The following ANKRD55 variants were observed in gnomAD, a reference collection of about 807,000 sequenced individuals.
ANKRD55 encodes ankyrin repeat domain 55.
ANKRD55 carries 41 observed loss-of-function variants against 60.6 expected under a neutral mutation model. The ratio of observed to expected loss-of-function variants is 0.68; its 90% CI spans 0.53 to 0.88. ANKRD55 has a LOEUF of 0.88. Among genes scored for constraint, ANKRD55 ranks in the 40% least tolerant of loss-of-function variants. ANKRD55 has a pLI of 0.00. For synonymous variants in ANKRD55, 264 were observed against 290.3 expected, an observed-to-expected ratio of 0.91 and a Z score of 0.92; for missense variants, 732 against 767.6, an observed-to-expected ratio of 0.95 and a Z score of 0.55.
intron 2 of ANKRD55, among the ~76,000 whole-genome samples, chr5:56,196,223 A>G (rs1416001585): frequency 6.6e-6 from 1 of 152,194 alleles, no homozygotes; most frequent in Non-Finnish European, 1.5e-5. Context: ...GATTTTTGTG[A>G]GGATTAAATA....
intron 8 of ANKRD55, among the ~76,000 whole-genome samples, chr5:56,126,250 T>C (rs1653198): frequency 0.63 from 96,350 of 152,098 alleles, 31,172 homozygotes; most frequent in African/African-American, 0.77. Flanking sequence ...TACTTATTTT[T>C]GATAGTCTTG....
chr5:56,103,127 A>G (rs528704229), intron 10 of ANKRD55, among the ~76,000 whole-genome samples: 176 of 152,360 alleles, frequency 1.2e-3, no homozygotes, highest in African/African-American at 4.1e-3. Flanking sequence ...TGCAGCCAGG[A>G]TGGAGAATCA....
At chr5:56,141,213 C>G (rs1227870439) in intron 7 of ANKRD55, among the ~76,000 whole-genome samples, 2 of 142,382 alleles carry the variant, frequency 1.4e-5, no homozygotes, top group Non-Finnish European at 3.0e-5. Flanking sequence ...CTCAAGTGAT[C>G]CTCCTGCCTC....
intron 6 of ANKRD55, among the ~76,000 whole-genome samples, chr5:56,149,372 AT>A (rs1031281723): frequency 6.6e-6 from 1 of 152,184 alleles, no homozygotes; most frequent in African/African-American, 2.4e-5. Flanking sequence ...TATGTCTGAC[AT>A]TTTTAAAAAA....
At chr5:56,231,363 C>A (rs1760247038) in intron 2 of ANKRD55, among the ~76,000 whole-genome samples, 1 of 152,170 alleles carries the variant, frequency 6.6e-6, no homozygotes, top group African/African-American at 2.4e-5. Context: ...GAAGGTACAG[C>A]ACTGGAACAT....
At chr5:56,111,856 C>G in intron 9 of ANKRD55, 74 bp from the exon 10 acceptor site, 1 of 1,336,628 alleles carries the variant, frequency 7.5e-7, no homozygotes, top group Non-Finnish European at 9.8e-7. Context: ...AAATACCGAC[C>G]CCCTATTCCA....
intron 3 of ANKRD55, among the ~76,000 whole-genome samples, 191 bp downstream of exon 3, chr5:56,183,321 A>C (rs995750152): frequency 4.6e-5 from 7 of 152,220 alleles, no homozygotes; most frequent in Non-Finnish European, 1.0e-4. Flanking sequence ...TATTTTGGTC[A>C]TTCATACAAA....
Position 56,193,402 on chromosome 5 carries a change from T to TA in ANKRD55, c.59-9769dup, listed in dbSNP as rs1319337965. 5.4e-5 allele frequency: 33 copies of TA among 614,798 alleles called. No individual in the cohort carries two copies. In the East Asian group the frequency reaches 1.1e-3, roughly 21 times the overall value. 38.1% of individuals were successfully genotyped at this position (614,798 alleles called of 1,614,324 possible). A position where few individuals can be genotyped will look rare whatever the true frequency, so the allele number is the denominator to read the frequency against. On this transcript the variant is annotated intron_variant, in intron 2 of 11. Transcript: ENST00000341048. ...AGGTTATCTACCTAGAACCTTTTGG[T>TA]ACTGGAATTACAACTATTATCCTCC...
intron 10 of ANKRD55, among the ~76,000 whole-genome samples, chr5:56,108,642 G>C (rs1252433579): frequency 6.6e-6 from 1 of 152,086 alleles, no homozygotes; most frequent in Non-Finnish European, 1.5e-5. Context: ...TCAGGCACTG[G>C]GCACATGTCA....
intron 10 of ANKRD55, among the ~76,000 whole-genome samples, chr5:56,103,603 A>AT (rs1756357900): frequency 6.6e-6 from 1 of 152,062 alleles, no homozygotes; most frequent in Non-Finnish European, 1.5e-5. Context: ...CAACACCTCA[A>AT]TTTTTTCATA....
At chr5:56,118,901 G>A (rs1176970466) in intron 8 of ANKRD55, among the ~76,000 whole-genome samples, 1 of 152,102 alleles carries the variant, frequency 6.6e-6, no homozygotes, top group East Asian at 1.9e-4. Flanking sequence ...AAAACCCAAA[G>A]AGAACAAAGC....
At chr5:56,225,221 A>G (rs1457390314) in intron 2 of ANKRD55, among the ~76,000 whole-genome samples, 3 of 152,218 alleles carry the variant, frequency 2.0e-5, no homozygotes, top group Admixed American at 6.5e-5. Flanking sequence ...AAACAGAACC[A>G]AAGACAAAAA....
At chr5:56,145,242 G>T (rs187864790) in intron 6 of ANKRD55, among the ~76,000 whole-genome samples, 1 of 152,154 alleles carries the variant, frequency 6.6e-6, no homozygotes, top group African/African-American at 2.4e-5. Flanking sequence ...TCTTCCCCTA[G>T]GGCACACAGT....
chr5:56,126,120 C>T (rs61159894), intron 8 of ANKRD55, among the ~76,000 whole-genome samples: 3,564 of 151,570 alleles, frequency 0.024, 115 homozygotes, highest in African/African-American at 0.08. Context: ...GGCATCAAAG[C>T]GAGACTCCAT....
At chr5:56,231,566 G>A (rs1760252462) in intron 2 of ANKRD55, among the ~76,000 whole-genome samples, 1 of 151,974 alleles carries the variant, frequency 6.6e-6, no homozygotes, top group Non-Finnish European at 1.5e-5. Context: ...CAGGAGGAGA[G>A]GATGGTGGTG....
Position 56,111,432 on chromosome 5 carries a change from G to T in ANKRD55, c.1316C>A (p.Pro439His), listed in dbSNP as rs1266960206. 1 of 1,614,152 alleles carries T rather than the reference G, an allele frequency of 6.2e-7. No homozygotes were observed. Among genetic ancestry groups the T allele is most frequent in the South Asian group, 1.1e-5 (1 of 91,080 alleles). The change falls in exon 10 of 12, where the codon CCC (proline) becomes CAC (histidine). Residue 439 changes from proline to histidine, a missense_variant. Physicochemically the swap from Pro to His is moderately conservative, Grantham distance 77. Transcript: ENST00000341048. ...LPPIRTQSLPPITLGNNFLTA... is the reference protein window; with the variant it reads ...LPPIRTQSLPHITLGNNFLTA... ...TAGGAAGTTATTGCCCAGGGTGATG[G>T]GTGGGAGACTCTGCGTTCTGATTGG...
At chr5:56,120,729 C>A (rs1175764672) in intron 8 of ANKRD55, among the ~76,000 whole-genome samples, 1 of 151,938 alleles carries the variant, frequency 6.6e-6, no homozygotes, top group Non-Finnish European at 1.5e-5. Flanking sequence ...GAAACCCTGT[C>A]TCTACTAAAA....
chr5:56,166,737 A>G (rs1328607930), intron 5 of ANKRD55, among the ~76,000 whole-genome samples: 1 of 152,228 alleles, frequency 6.6e-6, no homozygotes, highest in African/African-American at 2.4e-5. Flanking sequence ...ATATAAAGAA[A>G]GAAACATGCT....
chr5:56,130,511 C>T (rs186421018), intron 7 of ANKRD55, among the ~76,000 whole-genome samples: 5 of 152,300 alleles, frequency 3.3e-5, no homozygotes, highest in Non-Finnish European at 5.9e-5. Context: ...TTCTCTTCCC[C>T]CCATACTTCA....
Sources: allele counts gnomAD v4.1 joint callset (sites outside exome capture counted in the v4.1 genomes callset), GRCh38; gene constraint gnomAD v4.1.1; transcripts MANE v1.5; gene names NCBI Gene and HGNC (gene_info 2026-07-23, HGNC 2026-07-21).